Variants in SIL1 observed in about 807,000 individuals in gnomAD.
The protein encoded by SIL1 is SIL1 nucleotide exchange factor, also known as nucleotide exchange factor SIL1.
A neutral mutation model predicts 49.1 loss-of-function variants in SIL1; 40 were observed. That is an observed-to-expected ratio of 0.81 (90% CI 0.63 to 1.06). The LOEUF is 1.06. Among genes scored for constraint, SIL1 ranks in the 50% least tolerant of loss-of-function variants. The probability of loss-of-function intolerance (pLI) is 0.00; values close to 1 mark genes in which losing one functional copy is unlikely to be tolerated. For missense variants in SIL1, 500 were observed against 572.6 expected (o/e 0.87, Z 1.29); for synonymous variants, 253 against 250.8 (o/e 1.01, Z -0.08).
chr5:139,080,006 C>T (rs543131166), intron 3 of SIL1, among the ~76,000 whole-genome samples: 113 of 152,254 alleles, frequency 7.4e-4, no homozygotes, highest in African/African-American at 2.6e-3. Context: ...CCTATATTTA[C>T]ACTTCTGATC....
intron 3 of SIL1, among the ~76,000 whole-genome samples, chr5:139,063,129 A>T (rs756179570): frequency 1.3e-4 from 20 of 152,248 alleles, no homozygotes; most frequent in Non-Finnish European, 1.0e-4. Context: ...AATCAGACAT[A>T]ATAAACCCTG....
intron 1 of SIL1, among the ~76,000 whole-genome samples, chr5:139,164,375 C>T (rs982671774): frequency 1.3e-5 from 2 of 152,070 alleles, no homozygotes; most frequent in African/African-American, 4.8e-5. Flanking sequence ...CCATTGCCTT[C>T]TCTCTACTTG....
At chr5:138,994,174 G>A (rs565849924) in intron 7 of SIL1, among the ~76,000 whole-genome samples, 1 of 152,028 alleles carries the variant, frequency 6.6e-6, no homozygotes, top group Non-Finnish European at 1.5e-5. Context: ...CAATAAGAAA[G>A]AGAAATGGAG....
chr5:139,104,265 C>A (rs1375713573), intron 3 of SIL1, among the ~76,000 whole-genome samples: 1 of 152,162 alleles, frequency 6.6e-6, no homozygotes, highest in Non-Finnish European at 1.5e-5. Context: ...TCCTCCTAGA[C>A]CACGCCAACA....
At chr5:139,170,746 G>A (rs569969164) in intron 1 of SIL1, among the ~76,000 whole-genome samples, 5 of 151,652 alleles carry the variant, frequency 3.3e-5, no homozygotes, top group South Asian at 2.1e-4. Flanking sequence ...GAGCGTCTCC[G>A]CCCGGCAGCC....
At chr5:139,010,602 T>A (rs1445806541) in intron 7 of SIL1, among the ~76,000 whole-genome samples, 6 of 147,260 alleles carry the variant, frequency 4.1e-5, no homozygotes, top group African/African-American at 1.5e-4. Flanking sequence ...TTTTATCTAC[T>A]TTTGGTCTTT....
chr5:139,058,009 G>A (rs945596548), intron 3 of SIL1, among the ~76,000 whole-genome samples: 8 of 152,130 alleles, frequency 5.3e-5, no homozygotes, highest in East Asian at 1.9e-4. Flanking sequence ...CTGGGTATCA[G>A]GGGACAACCC....
chr5:139,170,261 G>A (rs946428389), intron 1 of SIL1, among the ~76,000 whole-genome samples: 4 of 152,162 alleles, frequency 2.6e-5, no homozygotes, highest in African/African-American at 4.8e-5. Flanking sequence ...CCAAAGTGCC[G>A]AGATTGCAGC....
chr5:139,108,954 A>T (rs1470533132), intron 3 of SIL1, among the ~76,000 whole-genome samples: 5 of 152,206 alleles, frequency 3.3e-5, no homozygotes, highest in Non-Finnish European at 1.5e-5. Context: ...TAGAACCAAG[A>T]CTTTCATTGA....
chr5:139,103,935 T>C (rs73790608), intron 3 of SIL1, among the ~76,000 whole-genome samples: 20,284 of 152,246 alleles, frequency 0.13, 3,352 homozygotes, highest in African/African-American at 0.39. Context: ...CAGGTCAGTT[T>C]GTTGAGGCCA....
At chr5:139,196,252 G>A (rs1752271452) in intron 1 of SIL1, among the ~76,000 whole-genome samples, 2 of 152,090 alleles carry the variant, frequency 1.3e-5, no homozygotes, top group African/African-American at 4.8e-5. Flanking sequence ...TCTCTCGCAT[G>A]GTTCAAAAAG....
intron 7 of SIL1, among the ~76,000 whole-genome samples, chr5:138,977,480 C>CT (rs1767419650): frequency 6.6e-6 from 1 of 151,740 alleles, no homozygotes; most frequent in Admixed American, 6.6e-5. Flanking sequence ...TTTTTTCCTC[C>CT]TTTTTTTCTT....
At chr5:139,002,204 C>T (rs1356623641) in intron 7 of SIL1, among the ~76,000 whole-genome samples, 1 of 150,398 alleles carries the variant, frequency 6.6e-6, no homozygotes, top group Non-Finnish European at 1.5e-5. Context: ...AAGTGAGAAC[C>T]TGTCTCAAAA....
At chr5:139,168,688 T>A (rs1218208014) in intron 1 of SIL1, among the ~76,000 whole-genome samples, 2 of 151,984 alleles carry the variant, frequency 1.3e-5, no homozygotes, top group Non-Finnish European at 2.9e-5. Context: ...TAAAGAACAT[T>A]CAAGCAAGGC....
At chr5:139,142,004 G>C (rs529069835) in intron 1 of SIL1, among the ~76,000 whole-genome samples, 1 of 152,154 alleles carries the variant, frequency 6.6e-6, no homozygotes, top group Non-Finnish European at 1.5e-5. Context: ...GGAAAAAGCC[G>C]CAGTCTTAAA....
At chr5:139,191,377 A>G (rs1309808212) in intron 1 of SIL1, among the ~76,000 whole-genome samples, 2 of 151,990 alleles carry the variant, frequency 1.3e-5, no homozygotes, top group Non-Finnish European at 2.9e-5. Flanking sequence ...ATGTTATTCC[A>G]CTGGGCTGAA....
At chr5:139,028,811 T>C (rs938819592) in intron 5 of SIL1, among the ~76,000 whole-genome samples, 10 of 152,360 alleles carry the variant, frequency 6.6e-5, no homozygotes, top group Admixed American at 1.3e-4. Context: ...TTACCTGAGA[T>C]GTAGACTTGT....
chr5:139,075,693 A>G (rs1404958381), intron 3 of SIL1, among the ~76,000 whole-genome samples: 2 of 152,184 alleles, frequency 1.3e-5, no homozygotes, highest in Non-Finnish European at 2.9e-5. Flanking sequence ...TCTATTTTCT[A>G]TGTGGGAGAT....
chr5:139,056,230 G>A (rs1484833529), intron 3 of SIL1, among the ~76,000 whole-genome samples: 4 of 150,662 alleles, frequency 2.7e-5, no homozygotes, highest in East Asian at 4.0e-4. Flanking sequence ...AGTGAGGAGC[G>A]CCTCTTCCCG....
Sources: allele counts gnomAD v4.1 joint callset (sites outside exome capture counted in the v4.1 genomes callset), GRCh38; gene constraint gnomAD v4.1.1; transcripts MANE v1.5; gene names NCBI Gene and HGNC (gene_info 2026-07-23, HGNC 2026-07-21).